The following COL9A1 variants were observed in gnomAD, a reference collection of about 807,000 sequenced individuals.
COL9A1 encodes the protein collagen type IX alpha 1 chain, also known as collagen alpha-1(IX) chain.
Under a neutral mutation model 142.6 loss-of-function variants are expected in COL9A1, and 104 were observed. That is an observed-to-expected ratio of 0.73 (90% CI 0.62 to 0.86). The LOEUF (loss-of-function observed/expected upper bound fraction) is 0.86. Ranked by LOEUF, COL9A1 falls within the 40% of genes least tolerant of loss-of-function variation. COL9A1 has a pLI of 0.00. For missense variants in COL9A1, 1,210 were observed against 1,176.6 expected, an observed-to-expected ratio of 1.03 and a Z score of -0.42; for synonymous variants, 466 against 396.0, an observed-to-expected ratio of 1.18 and a Z score of -2.10.
Position 70,270,365 on chromosome 6 carries a change from A to G in COL9A1, c.1146T>C (p.Gly382=). 1 of 1,613,570 alleles carries G rather than the reference A, an allele frequency of 6.2e-7. No individual in the cohort carries two copies. Among genetic ancestry groups the G allele is most frequent in the East Asian group, 2.2e-5 (1 of 44,876 alleles). ...CAGGTGGTCCTCTTCTCCCAGGGTC[A>G]CCCTAAGTTATTTGAAAATTGCGAC... The part of the protein sequence containing the change: ...PGELGRVGPV[G]DPGRRGPPGP... The change falls in exon 15 of 38, where the codon GGT becomes GGC. Residue 382 remains glycine, a splice_region_variant and synonymous_variant. Coordinates refer to ENST00000357250, the MANE Select transcript of COL9A1 (RefSeq NM_001851.6).
At chr6:70,294,597 T>G (rs1773784500) in intron 4 of COL9A1, 34 bp from the exon 5 acceptor site, 2 of 1,596,108 alleles carry the variant, frequency 1.3e-6, no homozygotes, top group African/African-American at 2.7e-5. Flanking sequence ...AACATGCATC[T>G]TGTTTCCTGT....
At chr6:70,248,382 A>G (rs1292214609) in intron 28 of COL9A1, among the ~76,000 whole-genome samples, 1 of 152,196 alleles carries the variant, frequency 6.6e-6, no homozygotes, top group Non-Finnish European at 1.5e-5. Flanking sequence ...TTTCAAATAC[A>G]TGCTTCTAGG....
chr6:70,293,590 C>T (rs896294794), intron 5 of COL9A1, among the ~76,000 whole-genome samples: 1 of 151,524 alleles, frequency 6.6e-6, no homozygotes. Flanking sequence ...TCTCTCACCA[C>T]TCTGAAGATA....
chr6:70,300,288 A>G, intron 3 of COL9A1, 21 bp downstream of exon 3: 1 of 1,610,452 alleles, frequency 6.2e-7, no homozygotes, highest in Non-Finnish European at 8.5e-7. Flanking sequence ...TGCATTTTCA[A>G]TAGGGTACAT....
intron 32 of COL9A1, among the ~76,000 whole-genome samples, chr6:70,240,421 T>C (rs1343244922): frequency 1.3e-5 from 2 of 152,064 alleles, no homozygotes; most frequent in African/African-American, 4.8e-5. Context: ...ACAATTTTAT[T>C]CTCCAAAAGT....
At chr6:70,233,322 T>C (rs183153970) in intron 35 of COL9A1, among the ~76,000 whole-genome samples, 1 of 152,288 alleles carries the variant, frequency 6.6e-6, no homozygotes, top group Non-Finnish European at 1.5e-5. Context: ...ACCCTCCTTC[T>C]CAGAAGTTTT....
chr6:70,222,569 T>C (rs556035919), intron 37 of COL9A1, among the ~76,000 whole-genome samples: 1 of 152,292 alleles, frequency 6.6e-6, no homozygotes, highest in East Asian at 1.9e-4. Context: ...CTGCAGGGCA[T>C]GTAATACTTA....
chr6:70,299,804 A>T (rs1359667030), intron 4 of COL9A1, among the ~76,000 whole-genome samples: 2 of 152,214 alleles, frequency 1.3e-5, no homozygotes, highest in Non-Finnish European at 2.9e-5. Flanking sequence ...ACATGTCCTG[A>T]ATCAATGTAT....
chr6:70,293,183 T>C (rs1031195492), intron 5 of COL9A1, among the ~76,000 whole-genome samples: 4 of 152,198 alleles, frequency 2.6e-5, no homozygotes, highest in African/African-American at 9.6e-5. Context: ...AGCTCCGTGC[T>C]AGTATGAGAG....
chr6:70,225,013 C>A (rs902933399), intron 37 of COL9A1, among the ~76,000 whole-genome samples: 2 of 152,184 alleles, frequency 1.3e-5, no homozygotes, highest in Admixed American at 6.5e-5. Flanking sequence ...CAGCCTCTGG[C>A]AGAATTAGAA....
Position 70,270,209 on chromosome 6 carries a change from T to C in COL9A1, c.1197+105A>G, listed in dbSNP as rs374584505. On this transcript the variant is annotated intron_variant, in intron 15 of 37. Transcript: ENST00000357250. ...AAAAATTGATAGCCGTTTTGGAAAT[T>C]TGGGACAATGACTCAATTAATAGGA... is the stretch of plus-strand genomic sequence containing the variant. 3.3e-4 allele frequency: 389 copies of C among 1,162,568 alleles called. No individual in the cohort carries two copies. In the East Asian group the frequency reaches 8.0e-3, roughly 24 times the overall value. The allele number at this position is 1,162,568 out of a possible 1,614,324, so 72.0% of individuals were successfully genotyped here. A position where few individuals can be genotyped will look rare whatever the true frequency, so the allele number is the denominator to read the frequency against.
chr6:70,245,483 T>G (rs1562299243), intron 28 of COL9A1, among the ~76,000 whole-genome samples: 1 of 152,142 alleles, frequency 6.6e-6, no homozygotes, highest in Non-Finnish European at 1.5e-5. Flanking sequence ...ATGCTAAAAC[T>G]CTTAGTCTTC....
chr6:70,232,442 G>A lies in COL9A1; in HGVS notation c.2503+141C>T, dbSNP rs748515682. On this transcript the variant is annotated intron_variant, in intron 36 of 37. Coordinates refer to ENST00000357250, the MANE Select transcript of COL9A1 (RefSeq NM_001851.6). ...ATATAACAGTTTTTGAATCTTCACC[G>A]TCACTATTGAAAAGAGAATAATACA... is the stretch of plus-strand genomic sequence containing the variant. 3.3e-4 allele frequency: 325 copies of A among 985,864 alleles called. 1 individual carries two copies. The highest frequency in any genetic ancestry group is 4.5e-4 in the Non-Finnish European group (282 of 623,718). The allele number at this position is 985,864 out of a possible 1,614,324, so 61.1% of individuals were successfully genotyped here. A position where few individuals can be genotyped will look rare whatever the true frequency, so the allele number is the denominator to read the frequency against.
At chr6:70,299,971 A>G (rs1773996384) in intron 4 of COL9A1, 72 bp downstream of exon 4, 2 of 1,418,958 alleles carry the variant, frequency 1.4e-6, no homozygotes, top group Non-Finnish European at 2.0e-6. Context: ...AGAAAACTCT[A>G]ACATTGGATA....
At chr6:70,247,371 A>G (rs1770670774) in intron 28 of COL9A1, among the ~76,000 whole-genome samples, 3 of 152,374 alleles carry the variant, frequency 2.0e-5, no homozygotes, top group Middle Eastern at 6.8e-3. Context: ...TAACTTAATT[A>G]TACTTATGCT....
intron 13 of COL9A1, 56 bp from the exon 14 acceptor site, chr6:70,271,764 A>G: frequency 6.9e-7 from 1 of 1,442,760 alleles, no homozygotes; most frequent in Non-Finnish European, 9.7e-7. Flanking sequence ...ACAATCTATC[A>G]TACATTATAT....
intron 5 of COL9A1, among the ~76,000 whole-genome samples, chr6:70,285,778 A>G (rs1773429629): frequency 6.6e-6 from 1 of 152,272 alleles, no homozygotes; most frequent in Non-Finnish European, 1.5e-5. Flanking sequence ...CATCCTTCTC[A>G]ACATAAAATA....
intron 36 of COL9A1, among the ~76,000 whole-genome samples, chr6:70,232,278 G>A (rs1023000681): frequency 2.6e-5 from 4 of 152,226 alleles, no homozygotes; most frequent in Non-Finnish European, 4.4e-5. Context: ...CTGAATGATC[G>A]TTTACCAGAT....
chr6:70,229,323 C>T (rs1312869474), intron 36 of COL9A1, among the ~76,000 whole-genome samples: 1 of 152,052 alleles, frequency 6.6e-6, no homozygotes, highest in Non-Finnish European at 1.5e-5. Context: ...AACTAAAGGT[C>T]CAGCTTTGTT....
Sources: allele counts gnomAD v4.1 joint callset (sites outside exome capture counted in the v4.1 genomes callset), GRCh38; gene constraint gnomAD v4.1.1; transcripts MANE v1.5; gene names NCBI Gene and HGNC (gene_info 2026-07-23, HGNC 2026-07-21).